Variants in PLXNA4 observed in about 807,000 individuals in gnomAD.
PLXNA4 encodes the protein plexin A4, also known as plexin-A4.
In PLXNA4, 44 loss-of-function variants were observed where a neutral mutation model predicts 191.8. The ratio of observed to expected loss-of-function variants is 0.23; its 90% CI spans 0.18 to 0.29. The LOEUF (loss-of-function observed/expected upper bound fraction) is 0.29. PLXNA4 is among the 10% of genes least tolerant of loss of function. The probability of loss-of-function intolerance (pLI) is 1.00; values close to 1 mark genes in which losing one functional copy is unlikely to be tolerated. For synonymous variants in PLXNA4, 1,082 were observed against 1,009.5 expected (o/e 1.07, Z -1.36); for missense variants, 1,800 against 2,488.8 (o/e 0.72, Z 5.89).
intron 14 of PLXNA4, 24 bp downstream of exon 14, chr7:132,194,038 A>C: frequency 6.2e-7 from 1 of 1,606,686 alleles, no homozygotes; most frequent in Non-Finnish European, 8.5e-7. Flanking sequence ...GCACCCAGCC[A>C]GATCACTGCT....
chr7:132,351,997 C>G (rs529417819), intron 3 of PLXNA4, among the ~76,000 whole-genome samples: 1 of 152,278 alleles, frequency 6.6e-6, no homozygotes, highest in Non-Finnish European at 1.5e-5. Context: ...TTACAGAGTG[C>G]TATTTTAAGG....
intron 4 of PLXNA4, among the ~76,000 whole-genome samples, chr7:132,284,461 A>T (rs746103948): frequency 6.6e-6 from 1 of 152,198 alleles, no homozygotes; most frequent in Admixed American, 6.5e-5. Context: ...GTGGATTAAA[A>T]GGGGTTTTGA....
chr7:132,228,515 T>C (rs767182263), intron 5 of PLXNA4, 46 bp from the exon 6 acceptor site: 12 of 1,608,540 alleles, frequency 7.5e-6, no homozygotes, highest in Non-Finnish European at 9.4e-6. Flanking sequence ...GGCCGCTTGG[T>C]CCAGGGAGGG....
chr7:132,630,353 C>T (rs569294186), intron 2 of PLXNA4, among the ~76,000 whole-genome samples: 1 of 152,316 alleles, frequency 6.6e-6, no homozygotes, highest in South Asian at 2.1e-4. Flanking sequence ...ACTCTATTGC[C>T]TCTGACTTCT....
chr7:132,438,745 G>A (rs940323051), intron 3 of PLXNA4, among the ~76,000 whole-genome samples: 2 of 152,110 alleles, frequency 1.3e-5, no homozygotes, highest in East Asian at 1.9e-4. Context: ...ACAGCTCTGT[G>A]GAGTTTTAGA....
chr7:132,187,149 A>AC (rs1051026308), intron 15 of PLXNA4, among the ~76,000 whole-genome samples: 32 of 151,972 alleles, frequency 2.1e-4, no homozygotes, highest in African/African-American at 7.7e-4. Context: ...CTGCAACCCA[A>AC]CCAATCAGCA....
intron 2 of PLXNA4, among the ~76,000 whole-genome samples, chr7:132,498,636 T>C (rs1458596462): frequency 6.6e-6 from 1 of 152,012 alleles, no homozygotes; most frequent in South Asian, 2.1e-4. Context: ...ACACGGTATA[T>C]ATGGGGTTTG....
At chr7:132,633,681 C>T (rs1803538021) in intron 2 of PLXNA4, among the ~76,000 whole-genome samples, 1 of 152,134 alleles carries the variant, frequency 6.6e-6, no homozygotes. Flanking sequence ...CTGGTCCTGA[C>T]CATTTTATCT....
intron 26 of PLXNA4, 81 bp downstream of exon 26, chr7:132,148,462 C>T (rs1584763981): frequency 1.9e-6 from 3 of 1,572,266 alleles, no homozygotes; most frequent in East Asian, 4.5e-5. Flanking sequence ...TTGGTGTCTA[C>T]CCCTGTTATT....
intron 2 of PLXNA4, among the ~76,000 whole-genome samples, chr7:132,613,221 C>A (rs1237137746): frequency 6.6e-6 from 1 of 152,074 alleles, no homozygotes; most frequent in Non-Finnish European, 1.5e-5. Flanking sequence ...TTTTCCAACT[C>A]GGGATCTTCT....
At chr7:132,514,200 C>T (rs1432949120) in intron 1 of PLXNA4, among the ~76,000 whole-genome samples, 3 of 152,010 alleles carry the variant, frequency 2.0e-5, no homozygotes, top group Non-Finnish European at 2.9e-5. Flanking sequence ...TACAGGCGCC[C>T]GCCACCATGC....
At chr7:132,475,029 C>T (rs939539684) in intron 3 of PLXNA4, among the ~76,000 whole-genome samples, 9 of 152,114 alleles carry the variant, frequency 5.9e-5, no homozygotes, top group Non-Finnish European at 1.3e-4. Context: ...TGTCCCAAAC[C>T]AGAAGTGCAG....
chr7:132,647,842 C>T (rs1585428570), intron 1 of PLXNA4, among the ~76,000 whole-genome samples: 1 of 140,760 alleles, frequency 7.1e-6, no homozygotes, highest in Admixed American at 6.8e-5. Context: ...CACTCATAAA[C>T]ACACACTATC....
At chr7:132,322,613 A>G (rs1802216157) in intron 3 of PLXNA4, among the ~76,000 whole-genome samples, 1 of 152,184 alleles carries the variant, frequency 6.6e-6, no homozygotes, top group South Asian at 2.1e-4. Flanking sequence ...TCAACCTCTC[A>G]GGACCATTCT....
At chr7:132,140,093 C>T (rs979481327) in intron 30 of PLXNA4, among the ~76,000 whole-genome samples, 1 of 152,158 alleles carries the variant, frequency 6.6e-6, no homozygotes, top group African/African-American at 2.4e-5. Flanking sequence ...GCATTAAGAG[C>T]TCATGCAAGA....
At chr7:132,602,810 C>T (rs1001543253) in intron 2 of PLXNA4, among the ~76,000 whole-genome samples, 4 of 152,182 alleles carry the variant, frequency 2.6e-5, no homozygotes, top group Non-Finnish European at 1.5e-5. Context: ...GGTCGTCAGA[C>T]TCTCATTGTC....
chr7:132,619,690 G>A (rs1803223475), intron 2 of PLXNA4, among the ~76,000 whole-genome samples: 1 of 152,248 alleles, frequency 6.6e-6, no homozygotes, highest in Non-Finnish European at 1.5e-5. Context: ...AAGCAAAGAT[G>A]TGTGATCAAC....
chr7:132,190,808 G>A (rs933073414), intron 14 of PLXNA4, among the ~76,000 whole-genome samples: 1 of 152,186 alleles, frequency 6.6e-6, no homozygotes. Context: ...AAATTGCTCT[G>A]GGCAGGTGGC....
intron 9 of PLXNA4, among the ~76,000 whole-genome samples, chr7:132,216,584 G>T (rs1339728447): frequency 6.6e-6 from 1 of 152,178 alleles, no homozygotes; most frequent in Non-Finnish European, 1.5e-5. Context: ...GGTTAACTTG[G>T]TACAAGCATT....
Sources: gnomAD v4.1 joint callset for allele counts (sites outside exome capture counted in the v4.1 genomes callset) on GRCh38, gnomAD v4.1.1 for gene constraint, MANE v1.5 for transcripts, NCBI Gene and HGNC (gene_info 2026-07-23, HGNC 2026-07-21) for gene names.